The following PELI2 variants were observed in gnomAD, a reference collection of about 807,000 sequenced individuals.
The protein encoded by PELI2 is E3 ubiquitin-protein ligase pellino homolog 2.
A neutral mutation model predicts 42.3 loss-of-function variants in PELI2; 23 were observed. The observed-to-expected ratio is 0.54, with a 90% confidence interval of 0.39 to 0.77. The LOEUF (loss-of-function observed/expected upper bound fraction) is 0.77, where lower values mean the gene tolerates loss of function less well. Among genes scored for constraint, PELI2 ranks in the 30% least tolerant of loss-of-function variants. The probability of loss-of-function intolerance (pLI) is 0.00; values close to 1 mark genes in which losing one functional copy is unlikely to be tolerated. For synonymous variants in PELI2, 245 were observed against 212.2 expected (o/e 1.15, Z -1.34); for missense variants, 463 against 553.2 (o/e 0.84, Z 1.64).
chr14:56,288,725 G>A lies in PELI2; in HGVS notation c.507+91G>A. 2 of 943,832 alleles carry A rather than the reference G, an allele frequency of 2.1e-6. No homozygotes were observed. Among genetic ancestry groups the A allele is most frequent in the African/African-American group, 1.6e-5 (1 of 60,672 alleles). The allele number at this position is 943,832 out of a possible 1,614,324, so 58.5% of individuals were successfully genotyped here. ...ATTGGAGCAAAAAAAAATTGGCTTT[G>A]TATGTTGCCTCTAGTGAGATTTTGA... On this transcript the variant is annotated intron_variant, in intron 4 of 5. Transcript: ENST00000267460. The surrounding 1 kb of genome is among the most constrained non-coding windows in gnomAD (Gnocchi z 4.6).
intron 2 of PELI2, among the ~76,000 whole-genome samples, chr14:56,268,468 G>C (rs1156978425): frequency 6.6e-6 from 1 of 152,088 alleles, no homozygotes; most frequent in Non-Finnish European, 1.5e-5. Flanking sequence ...GGAGACTACG[G>C]TTAGATTTTC....
Position 56,288,557 on chromosome 14 carries a change from G to C in PELI2, c.430G>C (p.Val144Leu), listed in dbSNP as rs1366236567. 6.2e-7 allele frequency: 1 copy of C among 1,614,006 alleles called. No individual in the cohort carries two copies. The highest frequency in any genetic ancestry group is 8.5e-7 in the Non-Finnish European group (1 of 1,179,928). ...CATATCCAGGTTCGCCTGCAGGATC[G>C]TGTGCGACAGGAATGAACCTTACAC... is the stretch of plus-strand genomic sequence containing the variant. ...STISRFACRI[V>L]CDRNEPYTAR... Residue 144 changes from valine (V) to leucine (L), a missense_variant, in exon 4 of 6, where the codon GTG becomes CTG. Around this residue, in one of 3 missense-constraint regions of PELI2, gnomAD observed 343 missense variants for 378.4 expected, o/e 0.91. Coordinates refer to ENST00000267460, the MANE Select transcript of PELI2 (RefSeq NM_021255.3). This position sits in a 1 kb window ranked among gnomAD's most constrained non-coding sequence, Gnocchi z 4.6.
intron 1 of PELI2, among the ~76,000 whole-genome samples, chr14:56,168,433 G>A (rs1405313861): frequency 6.6e-6 from 1 of 152,158 alleles, no homozygotes; most frequent in Non-Finnish European, 1.5e-5. Flanking sequence ...AGGCAGAGAA[G>A]CCTTACCCCT....
chr14:56,118,802 G>A, intron 1 of PELI2, 65 bp downstream of exon 1: 1 of 1,159,248 alleles, frequency 8.6e-7, no homozygotes, highest in South Asian at 1.5e-5. Context: ...TCCTGGAGCG[G>A]GGCTGGCGGG....
At chr14:56,165,235 A>G (rs754535802) in intron 1 of PELI2, among the ~76,000 whole-genome samples, 14 of 151,940 alleles carry the variant, frequency 9.2e-5, no homozygotes, top group Non-Finnish European at 1.8e-4. Context: ...TTCCATCATC[A>G]TTTGTTTCAA....
intron 2 of PELI2, among the ~76,000 whole-genome samples, chr14:56,279,290 G>GA (rs1889398046): frequency 2.0e-5 from 3 of 152,106 alleles, no homozygotes; most frequent in Admixed American, 2.0e-4. Flanking sequence ...AATAATATGT[G>GA]ACTTATCTGT....
At position 56,250,568 on chromosome 14, in the gene PELI2, A is replaced by C. The variant is rs371129503; in HGVS notation, c.208-29108A>C. 2.3e-4 allele frequency among the ~76,000 whole-genome samples: 35 copies of C among 152,292 alleles called. No individual in the cohort carries two copies. The East Asian group carries it at 6.6e-3, about 29-fold the overall frequency. On this transcript the variant is annotated intron_variant, in intron 2 of 5. Coordinates refer to ENST00000267460, the MANE Select transcript of PELI2 (RefSeq NM_021255.3). ...GGCAAACCACTGATGTAAGTCCAAG[A>C]GTCCATAAGCTGAAGAACTCGGAGT... is the stretch of plus-strand genomic sequence containing the variant.
chr14:56,118,947 C>T (rs1288754020), intron 1 of PELI2, among the ~76,000 whole-genome samples: 3 of 150,788 alleles, frequency 2.0e-5, no homozygotes, highest in Non-Finnish European at 4.4e-5. Context: ...CGCCGGGCTG[C>T]GCTGTCCGCG....
rs1183504324 is a variant in PELI2 at position 56,118,819 on chromosome 14, C to T, written c.77+82C>T. 52 of 973,530 alleles carry T rather than the reference C, an allele frequency of 5.3e-5. No homozygotes were observed. In the East Asian group the frequency reaches 6.9e-4, roughly 13 times the overall value. The allele number at this position is 973,530 out of a possible 1,614,324, so 60.3% of individuals were successfully genotyped here. On this transcript the variant is annotated intron_variant, in intron 1 of 5. Coordinates refer to ENST00000267460, the MANE Select transcript of PELI2 (RefSeq NM_021255.3). ...CTGGAGCGGGGCTGGCGGGGTGGCT[C>T]GGTGCTCTTTGGGGACCGCCGGGGC...
At chr14:56,173,945 A>C (rs139025193) in intron 1 of PELI2, among the ~76,000 whole-genome samples, 14 of 152,204 alleles carry the variant, frequency 9.2e-5, no homozygotes, top group Non-Finnish European at 1.9e-4. Flanking sequence ...TCTGTCGCCC[A>C]GGCTGGAGTA....
intron 2 of PELI2, among the ~76,000 whole-genome samples, chr14:56,187,974 G>A (rs889817108): frequency 7.2e-5 from 11 of 152,188 alleles, no homozygotes; most frequent in South Asian, 2.1e-4. Context: ...GGGCGTTGTC[G>A]TTGCCCAGGA....
At chr14:56,278,427 C>T (rs1269926809) in intron 2 of PELI2, among the ~76,000 whole-genome samples, 1 of 152,116 alleles carries the variant, frequency 6.6e-6, no homozygotes, top group Non-Finnish European at 1.5e-5. Context: ...AAAACAGTCA[C>T]TCTCAGTGAA....
rs1347160964 is a variant in PELI2, at chr14:56,178,450, C to T, written c.193C>T (p.Pro65Ser). The change falls in exon 2 of 6, where the codon CCC becomes TCC. Residue 65 changes from proline (P) to serine (S), a missense_variant. Pro to Ser is a moderately conservative substitution (Grantham distance 74). Around this residue, in one of 3 missense-constraint regions of PELI2, gnomAD observed 343 missense variants for 378.4 expected, o/e 0.91. Coordinates refer to ENST00000267460, the MANE Select transcript of PELI2 (RefSeq NM_021255.3). ...CAGCACCGTCCATGTGATATCCACGCCCCAGGCATCCAAGGTAGGTGGGTC... is the reference window on the plus strand; with the variant it reads ...CAGCACCGTCCATGTGATATCCACGTCCCAGGCATCCAAGGTAGGTGGGTC... The part of the protein sequence containing the change: ...KPSTVHVIST[P>S]QASKAISCKG... 3.7e-6 allele frequency: 6 copies of T among 1,613,998 alleles called. No homozygotes were observed. Among genetic ancestry groups the T allele is most frequent in the Middle Eastern group, 1.6e-4 (1 of 6,084 alleles).
At chr14:56,240,717 A>G (rs768662736) in intron 2 of PELI2, among the ~76,000 whole-genome samples, 12 of 152,086 alleles carry the variant, frequency 7.9e-5, no homozygotes, top group Non-Finnish European at 1.2e-4. Context: ...ACTAGGGGGT[A>G]AAGAGATGCT....
At chr14:56,271,324 C>G (rs1367061422) in intron 2 of PELI2, among the ~76,000 whole-genome samples, 1 of 152,118 alleles carries the variant, frequency 6.6e-6, no homozygotes, top group African/African-American at 2.4e-5. Context: ...ACTCATTGGC[C>G]CCACTCAGAC....
chr14:56,229,782 C>T (rs925646855), intron 2 of PELI2, among the ~76,000 whole-genome samples: 16 of 152,232 alleles, frequency 1.1e-4, no homozygotes, highest in African/African-American at 3.9e-4. Flanking sequence ...TTCAGACGAT[C>T]GGTAATAATA....
chr14:56,184,829 A>G (rs1885709634), intron 2 of PELI2, among the ~76,000 whole-genome samples: 1 of 152,078 alleles, frequency 6.6e-6, no homozygotes, highest in Non-Finnish European at 1.5e-5. Flanking sequence ...TTGGTTTCGT[A>G]TATCAATCAC....
At chr14:56,120,546 C>T (rs1883024839) in intron 1 of PELI2, among the ~76,000 whole-genome samples, 1 of 152,156 alleles carries the variant, frequency 6.6e-6, no homozygotes, top group South Asian at 2.1e-4. Flanking sequence ...TTTGCTAATG[C>T]TTTTCCAGGA....
At chr14:56,268,645 T>C (rs752242775) in intron 2 of PELI2, among the ~76,000 whole-genome samples, 2 of 152,208 alleles carry the variant, frequency 1.3e-5, no homozygotes, top group South Asian at 2.1e-4. Context: ...AATGCTGTTT[T>C]AAAGAATGGG....
Sources: allele counts gnomAD v4.1 joint callset (sites outside exome capture counted in the v4.1 genomes callset), GRCh38; gene constraint gnomAD v4.1.1; regional missense constraint gnomAD v4.1.1; non-coding constraint Gnocchi (gnomAD v3.1); transcripts MANE v1.5; gene names NCBI Gene and HGNC (gene_info 2026-07-23, HGNC 2026-07-21).